C9: variants seen among roughly 807,000 people sequenced by gnomAD.
C9 encodes the protein complement component C9.
A neutral mutation model predicts 65.4 loss-of-function variants in C9; 63 were observed. That is an observed-to-expected ratio of 0.96 (90% CI 0.79 to 1.19). The LOEUF is 1.19. C9 is among the 50% of genes most tolerant of loss of function. The probability of loss-of-function intolerance (pLI) is 0.00; values close to 1 mark genes in which losing one functional copy is unlikely to be tolerated. For synonymous variants in C9, 229 were observed against 227.9 expected, an observed-to-expected ratio of 1.00 and a Z score of -0.04; for missense variants, 744 against 670.1, an observed-to-expected ratio of 1.11 and a Z score of -1.22.
At chr5:39,362,380 T>C (rs1754536942) in intron 1 of C9, among the ~76,000 whole-genome samples, 1 of 152,128 alleles carries the variant, frequency 6.6e-6, no homozygotes, top group Admixed American at 6.5e-5. Flanking sequence ...GATAGACACA[T>C]AGACTGAAAT....
chr5:39,360,959 G>T (rs2111992701), intron 1 of C9, among the ~76,000 whole-genome samples: 1 of 152,136 alleles, frequency 6.6e-6, no homozygotes. Context: ...CTTACAAAAT[G>T]ATATATAAAC....
intron 9 of C9, among the ~76,000 whole-genome samples, chr5:39,304,689 AG>A (rs1477460614): frequency 3.3e-5 from 5 of 152,176 alleles, no homozygotes; most frequent in Admixed American, 2.0e-4. Flanking sequence ...TTCCTTAGGT[AG>A]AATGTTGATA....
At chr5:39,349,930 T>C (rs1042444557) in intron 1 of C9, among the ~76,000 whole-genome samples, 2 of 152,168 alleles carry the variant, frequency 1.3e-5, no homozygotes, top group Non-Finnish European at 2.9e-5. Context: ...CTCTTATTTT[T>C]CTCTATATTT....
At chr5:39,319,987 C>T (rs1753639802) in intron 5 of C9, among the ~76,000 whole-genome samples, 2 of 152,190 alleles carry the variant, frequency 1.3e-5, no homozygotes, top group Non-Finnish European at 2.9e-5. Context: ...ATGACTTGCC[C>T]AGAATCTCTG....
At position 39,299,992 on chromosome 5, in the gene C9, T is replaced by C. The variant is rs150108479; in HGVS notation, c.1416+6625A>G. Among the ~76,000 whole-genome samples, 203 of 152,270 alleles carry C rather than the reference T, an allele frequency of 1.3e-3. 1 individual carries two copies. Among genetic ancestry groups the C allele is most frequent in the Non-Finnish European group, 2.7e-3 (183 of 68,008 alleles). Reference sequence around the variant, plus strand: ...ATTAACATTATGATATCTATTTCACTTGTGTTTTTGGATTATATTAGAAAA... The same window carrying C: ...ATTAACATTATGATATCTATTTCACCTGTGTTTTTGGATTATATTAGAAAA... On this transcript the variant is annotated intron_variant, in intron 9 of 10. Coordinates refer to ENST00000263408, the MANE Select transcript of C9 (RefSeq NM_001737.5).
chr5:39,304,231 T>C (rs2111871160), intron 9 of C9, among the ~76,000 whole-genome samples: 1 of 152,276 alleles, frequency 6.6e-6, no homozygotes, highest in South Asian at 2.1e-4. Flanking sequence ...CTTTCTGGTC[T>C]TTCCTCCAAG....
chr5:39,294,253 A>T (rs1247828283), intron 9 of C9, among the ~76,000 whole-genome samples: 1 of 151,878 alleles, frequency 6.6e-6, no homozygotes, highest in Non-Finnish European at 1.5e-5. Context: ...TATACAAAGG[A>T]TTAATGAAAC....
intron 1 of C9, 146 bp from the exon 2 acceptor site, chr5:39,342,342 A>C: frequency 1.7e-6 from 1 of 596,902 alleles, no homozygotes; most frequent in Non-Finnish European, 3.0e-6. Context: ...TTCACCCTCA[A>C]TTGCATGCTG....
At chr5:39,355,717 C>A in intron 1 of C9, among the ~76,000 whole-genome samples, 1 of 152,146 alleles carries the variant, frequency 6.6e-6, no homozygotes, top group Non-Finnish European at 1.5e-5. Flanking sequence ...GTGCCTTAAA[C>A]AACAGAAATT....
chr5:39,291,834 C>T (rs1209853774), intron 9 of C9, among the ~76,000 whole-genome samples: 1 of 151,162 alleles, frequency 6.6e-6, no homozygotes, highest in Admixed American at 6.6e-5. Flanking sequence ...TTTGACACAG[C>T]AAAAGAAAGA....
intron 1 of C9, among the ~76,000 whole-genome samples, chr5:39,354,053 A>G (rs1246399422): frequency 6.6e-6 from 1 of 152,190 alleles, no homozygotes; most frequent in East Asian, 1.9e-4. Context: ...GCCCTTGCCT[A>G]CACCTTCCAG....
At chr5:39,355,293 C>G (rs1336479211) in intron 1 of C9, among the ~76,000 whole-genome samples, 1 of 152,156 alleles carries the variant, frequency 6.6e-6, no homozygotes, top group Non-Finnish European at 1.5e-5. Flanking sequence ...AGAACCCAAC[C>G]AGGGCTATTC....
intron 9 of C9, among the ~76,000 whole-genome samples, chr5:39,296,590 A>G (rs155446): frequency 0.39 from 58,899 of 151,252 alleles, 11,996 homozygotes; most frequent in Non-Finnish European, 0.46. Flanking sequence ...CAATTCCAAT[A>G]CTGGCATTTA....
At chr5:39,358,854 G>A (rs940591102) in intron 1 of C9, among the ~76,000 whole-genome samples, 5 of 151,212 alleles carry the variant, frequency 3.3e-5, no homozygotes, top group Non-Finnish European at 7.4e-5. Flanking sequence ...GCGTGGTGGC[G>A]GGCGCCTGTA....
chr5:39,285,276 ATTT>A, intron 10 of C9, 43 bp from the exon 11 acceptor site: 1 of 1,545,386 alleles, frequency 6.5e-7, no homozygotes, highest in Non-Finnish European at 8.9e-7. Flanking sequence ...CATCAATAGG[ATTT>A]TACTTTGGGT....
intron 8 of C9, 149 bp from the exon 9 acceptor site, chr5:39,306,941 T>C: frequency 1.6e-6 from 1 of 620,090 alleles, no homozygotes; most frequent in Non-Finnish European, 2.8e-6. Context: ...ATATTGCTTA[T>C]GCATTTTTTC....
At chr5:39,351,481 A>G (rs1579879655) in intron 1 of C9, among the ~76,000 whole-genome samples, 2 of 152,210 alleles carry the variant, frequency 1.3e-5, no homozygotes, top group South Asian at 2.1e-4. Flanking sequence ...CCATTTAAAT[A>G]TAAGTTCTCT....
chr5:39,340,942 G>A (rs1349709824), intron 4 of C9: 1 of 638,744 alleles, frequency 1.6e-6, no homozygotes, highest in Admixed American at 2.3e-5. Flanking sequence ...GACCCCTACT[G>A]AGGGCAGGCA....
intron 5 of C9, among the ~76,000 whole-genome samples, chr5:39,326,816 T>C (rs752203818): frequency 6.6e-6 from 1 of 152,318 alleles, no homozygotes; most frequent in South Asian, 2.1e-4. Flanking sequence ...GAAAGAATAG[T>C]TGGAATGTGT....
Sources: gnomAD v4.1 joint callset for allele counts (sites outside exome capture counted in the v4.1 genomes callset) on GRCh38, gnomAD v4.1.1 for gene constraint, MANE v1.5 for transcripts, NCBI Gene and HGNC (gene_info 2026-07-23, HGNC 2026-07-21) for gene names.